The following EXTL3 variants were observed in gnomAD, a reference collection of about 807,000 sequenced individuals.
The protein encoded by EXTL3 is exostosin-like 3.
Under a neutral mutation model 69.3 loss-of-function variants are expected in EXTL3, and 27 were observed. That is an observed-to-expected ratio of 0.39 (90% CI 0.29 to 0.54). The LOEUF is 0.54. Ranked by LOEUF, EXTL3 falls within the 20% of genes least tolerant of loss-of-function variation. The probability of loss-of-function intolerance (pLI) is 0.69; values close to 1 mark genes in which losing one functional copy is unlikely to be tolerated. For synonymous variants in EXTL3, 511 were observed against 499.4 expected (o/e 1.02, Z -0.31); for missense variants, 1,003 against 1,231.8 (o/e 0.81, Z 2.78).
In EXTL3 at chr8:28,612,783, A is replaced by C. The variant is rs560744795; in HGVS notation, n.314+5025A>C. ...GCCGAGGCTGGAGTGCAGTGGCACA[A>C]TCATGGCTCACTGCATCCGCAACCT... On this transcript the variant is annotated intron_variant and non_coding_transcript_variant, in intron 2 of 4. Coordinates refer to the EXTL3 transcript ENST00000522725. Among the ~76,000 whole-genome samples the C allele has an allele frequency of 7.2e-5, 11 of 152,250 alleles. No homozygotes were observed. The East Asian group carries it at 2.1e-3, about 29-fold the overall frequency.
chr8:28,696,312 A>T (rs1235817521), intron 1 of EXTL3: 2 of 152,210 alleles, frequency 1.3e-5, no homozygotes, highest in African/African-American at 4.8e-5. Flanking sequence ...TGAACCCAGC[A>T]CCCAGCTCAA....
intron 3 of EXTL3, among the ~76,000 whole-genome samples, chr8:28,720,330 T>C (rs1429717083): frequency 6.6e-6 from 1 of 152,190 alleles, no homozygotes; most frequent in Non-Finnish European, 1.5e-5. Context: ...CCAGGGTTGT[T>C]CCCAGGCATC....
chr8:28,733,776 C>T (rs188370591), intron 4 of EXTL3, among the ~76,000 whole-genome samples: 207 of 151,514 alleles, frequency 1.4e-3, no homozygotes, highest in African/African-American at 4.9e-3. Context: ...TTTGGAGAAA[C>T]GGCTTTTCAC....
intron 6 of EXTL3, among the ~76,000 whole-genome samples, chr8:28,745,253 A>G (rs2130796914): frequency 6.6e-6 from 1 of 152,352 alleles, no homozygotes; most frequent in East Asian, 1.9e-4. Flanking sequence ...CGCTGGTTCC[A>G]TGCAGCAAAG....
intron 1 of EXTL3, among the ~76,000 whole-genome samples, chr8:28,654,773 C>T (rs1054857774): frequency 1.1e-4 from 16 of 152,076 alleles, no homozygotes; most frequent in African/African-American, 3.4e-4. Flanking sequence ...TTTTCATACC[C>T]CAATTTTGTT....
chr8:28,745,810 C>G (rs1327367254), intron 6 of EXTL3, among the ~76,000 whole-genome samples: 1 of 152,196 alleles, frequency 6.6e-6, no homozygotes, highest in Non-Finnish European at 1.5e-5. Context: ...TAAGCCATCT[C>G]TTCAGTGCAG....
upstream of EXTL3, among the ~76,000 whole-genome samples, chr8:28,619,091 C>CAAA (rs869265770): frequency 1.8e-5 from 1 of 56,898 alleles, no homozygotes; most frequent in Non-Finnish European, 3.2e-5. Flanking sequence ...GACTCCGTCT[C>CAAA]AAAAAAAAAA....
intron 2 of EXTL3, among the ~76,000 whole-genome samples, chr8:28,611,360 G>C (rs993684610): frequency 1.3e-5 from 2 of 152,054 alleles, no homozygotes; most frequent in African/African-American, 4.8e-5. Flanking sequence ...GGCTGAGGTG[G>C]GAGGATCACT....
chr8:28,619,497 CTG>C (rs1806378377), upstream of EXTL3, among the ~76,000 whole-genome samples: 1 of 152,024 alleles, frequency 6.6e-6, no homozygotes, highest in African/African-American at 2.4e-5. Context: ...CCCACCCCTG[CTG>C]CTCCTCCCTG....
chr8:28,708,987 G>T (rs889376606), intron 1 of EXTL3, among the ~76,000 whole-genome samples: 1 of 152,198 alleles, frequency 6.6e-6, no homozygotes, highest in African/African-American at 2.4e-5. Context: ...GGTTACAGCG[G>T]AGTAGCAGTG....
intron 6 of EXTL3, among the ~76,000 whole-genome samples, chr8:28,745,694 A>T (rs1334021522): frequency 6.6e-6 from 1 of 152,238 alleles, no homozygotes; most frequent in Non-Finnish European, 1.5e-5. Flanking sequence ...GTGATTAGGT[A>T]CCTAATAATA....
At chr8:28,655,245 A>G (rs911492413) in intron 1 of EXTL3, among the ~76,000 whole-genome samples, 2 of 152,192 alleles carry the variant, frequency 1.3e-5, no homozygotes, top group African/African-American at 4.8e-5. Context: ...CAGGAATTCA[A>G]GACCAGCCTA....
rs1806582713 is a variant in EXTL3, at chr8:28,632,376, CAA to C, written c.-53+9567_-53+9568del. Among the ~76,000 whole-genome samples, 3 of 151,966 alleles carry C rather than the reference CAA, an allele frequency of 2.0e-5. No homozygotes were observed. In the South Asian group the frequency reaches 6.2e-4, roughly 32 times the overall value. On this transcript the variant is annotated intron_variant, in intron 1 of 6. Transcript: ENST00000523149. ...TGCCATTGCACTCCAGCCTGGGCAA[CAA>C]GAGTGAAACTTCATTTCAAAAAACA...
intron 3 of EXTL3, among the ~76,000 whole-genome samples, chr8:28,725,330 C>T (rs1239181003): frequency 6.6e-6 from 1 of 152,072 alleles, no homozygotes; most frequent in Non-Finnish European, 1.5e-5. Context: ...GAGGCACCGT[C>T]AGGGAGCCCT....
chr8:28,728,112 C>G (rs1382173269), intron 3 of EXTL3, among the ~76,000 whole-genome samples: 2 of 152,104 alleles, frequency 1.3e-5, no homozygotes, highest in East Asian at 1.9e-4. Flanking sequence ...AGTGAATGTT[C>G]GAGGGGAGTT....
intron 1 of EXTL3, among the ~76,000 whole-genome samples, chr8:28,665,445 G>A (rs1316470763): frequency 2.1e-5 from 3 of 146,314 alleles, no homozygotes; most frequent in African/African-American, 7.6e-5. Context: ...TTTGAGACAG[G>A]GTCTTGCTCT....
At chr8:28,741,752 C>T (rs1801785646) in intron 5 of EXTL3, 1 of 152,086 alleles carries the variant, frequency 6.6e-6, no homozygotes, top group Admixed American at 6.5e-5. Flanking sequence ...GCCACCATGC[C>T]CAGCCTGGAT....
At position 28,717,863 on chromosome 8, in the gene EXTL3, C is replaced by A. The variant is rs770098386; in HGVS notation, c.1804C>A (p.Arg602Ser). ...CACTCTGACTGTCACTGACTTTTAC[C>A]GCAGCTGGAACTGTGCTCCAGGGCC... is the stretch of plus-strand genomic sequence containing the variant. The part of the protein sequence containing the change: ...NFTLTVTDFY[R>S]SWNCAPGPFH... Residue 602 changes from arginine to serine, a missense_variant, in exon 3 of 7, where the codon CGC becomes AGC. By Grantham distance (110) the Arg-to-Ser change is moderately radical. This residue lies in a region of EXTL3 where 742 missense variants were observed against 815.4 expected (regional missense o/e 0.91). Coordinates refer to ENST00000220562, the MANE Select transcript of EXTL3 (RefSeq NM_001440.4). The surrounding 1 kb of genome is among the most constrained non-coding windows in gnomAD (Gnocchi z 8.3). 2 of 1,612,954 alleles carry A rather than the reference C, an allele frequency of 1.2e-6. No individual in the cohort carries two copies. Among genetic ancestry groups the A allele is most frequent in the Non-Finnish European group, 1.7e-6 (2 of 1,178,986 alleles).
intron 3 of EXTL3, among the ~76,000 whole-genome samples, chr8:28,721,490 C>T (rs549039766): frequency 6.6e-6 from 1 of 152,350 alleles, no homozygotes; most frequent in Non-Finnish European, 1.5e-5. Context: ...CTGGCCTACT[C>T]TCAGGGTGAA....
Sources: gnomAD v4.1 joint callset for allele counts (sites outside exome capture counted in the v4.1 genomes callset) on GRCh38, gnomAD v4.1.1 for gene constraint, gnomAD v4.1.1 regional missense constraint, Gnocchi (gnomAD v3.1) non-coding constraint, MANE v1.5 for transcripts, NCBI Gene and HGNC (gene_info 2026-07-23, HGNC 2026-07-21) for gene names.